TDRP: variants seen among roughly 807,000 people sequenced by gnomAD.
TDRP encodes testis development-related protein.
Under a neutral mutation model 10.5 loss-of-function variants are expected in TDRP, and 12 were observed. The ratio of observed to expected loss-of-function variants is 1.15; its 90% confidence interval spans 0.73 to 1.86. The LOEUF (loss-of-function observed/expected upper bound fraction) is 1.86, where lower values mean the gene tolerates loss of function less well. Ranked by LOEUF, TDRP falls within the 40% of genes most tolerant of loss-of-function variation. The probability of loss-of-function intolerance (pLI) is 0.00; values close to 1 mark genes in which losing one functional copy is unlikely to be tolerated. For synonymous variants in TDRP, 139 were observed against 95.4 expected, an observed-to-expected ratio of 1.46 and a Z score of -2.67; for missense variants, 353 against 229.2, an observed-to-expected ratio of 1.54 and a Z score of -3.49.
At chr8:499,057 T>C (rs933149469) in intron 1 of TDRP, among the ~76,000 whole-genome samples, 4 of 152,166 alleles carry the variant, frequency 2.6e-5, no homozygotes, top group African/African-American at 4.8e-5. Flanking sequence ...AGTGTGTAAA[T>C]GGACTAATAC....
At chr8:522,744 T>A (rs1036667732) in intron 1 of TDRP, among the ~76,000 whole-genome samples, 68 of 152,196 alleles carry the variant, frequency 4.5e-4, no homozygotes, top group Admixed American at 1.2e-3. Context: ...AACCCCTGCC[T>A]CTGATTCCTC....
intron 1 of TDRP, among the ~76,000 whole-genome samples, chr8:531,198 A>T (rs1243727246): frequency 6.6e-6 from 1 of 152,038 alleles, no homozygotes; most frequent in Non-Finnish European, 1.5e-5. Flanking sequence ...ACTTCAATGC[A>T]GCTGTTCTTG....
chr8:518,741 A>G (rs1801819956), intron 1 of TDRP, among the ~76,000 whole-genome samples: 2 of 146,236 alleles, frequency 1.4e-5, no homozygotes, highest in Non-Finnish European at 3.0e-5. Context: ...AAAAATTGGA[A>G]AAGTAAATAG....
At chr8:533,240 CAT>C (rs1802255348) in intron 1 of TDRP, among the ~76,000 whole-genome samples, 1 of 152,172 alleles carries the variant, frequency 6.6e-6, no homozygotes, top group South Asian at 2.1e-4. Flanking sequence ...CTTCTGACCC[CAT>C]GTCACTGCTG....
intron 1 of TDRP, among the ~76,000 whole-genome samples, chr8:542,037 G>C (rs1401989138): frequency 1.3e-5 from 2 of 152,086 alleles, no homozygotes; most frequent in African/African-American, 4.8e-5. Flanking sequence ...GAGGGTGAAG[G>C]GATAAACTGT....
At chr8:544,022 T>C (rs1409790404) in intron 1 of TDRP, among the ~76,000 whole-genome samples, 6 of 151,894 alleles carry the variant, frequency 4.0e-5, no homozygotes, top group Non-Finnish European at 8.8e-5. Context: ...ACCAAACATA[T>C]CTCTACACTC....
At chr8:519,542 G>A (rs546734784) in intron 1 of TDRP, among the ~76,000 whole-genome samples, 3 of 150,948 alleles carry the variant, frequency 2.0e-5, no homozygotes, top group Admixed American at 6.6e-5. Flanking sequence ...TTTTCATCTC[G>A]TAAAACTCTA....
At chr8:496,560 T>A (rs2116720458) in intron 1 of TDRP, among the ~76,000 whole-genome samples, 1 of 152,190 alleles carries the variant, frequency 6.6e-6, no homozygotes, top group East Asian at 1.9e-4. Context: ...TGCCAAGTTG[T>A]TATGTTCCCC....
intron 1 of TDRP, among the ~76,000 whole-genome samples, chr8:521,771 C>CAA (rs147844790): frequency 2.0e-5 from 3 of 151,566 alleles, no homozygotes; most frequent in African/African-American, 7.3e-5. Context: ...TCTACTTCAG[C>CAA]AAAAAAAATG....
chr8:516,922 G>C (rs1002667073), intron 1 of TDRP, among the ~76,000 whole-genome samples: 1 of 152,196 alleles, frequency 6.6e-6, no homozygotes, highest in East Asian at 1.9e-4. Flanking sequence ...ACTATTCAGT[G>C]CTAAAAAGAA....
At chr8:515,446 A>C (rs563222442) in intron 1 of TDRP, among the ~76,000 whole-genome samples, 1 of 152,356 alleles carries the variant, frequency 6.6e-6, no homozygotes, top group African/African-American at 2.4e-5. Flanking sequence ...TGGGATTTTG[A>C]AATATTTGCA....
At chr8:499,204 G>C (rs17751207) in intron 1 of TDRP, among the ~76,000 whole-genome samples, 12,538 of 152,068 alleles carry the variant, frequency 0.082, 569 homozygotes, top group South Asian at 0.14. Context: ...ATAGTCTCTA[G>C]TTTATGAACT....
intron 1 of TDRP, among the ~76,000 whole-genome samples, chr8:505,541 G>A (rs1031623516): frequency 8.5e-5 from 13 of 152,150 alleles, no homozygotes; most frequent in Admixed American, 1.3e-4. Flanking sequence ...TACCTCAGAC[G>A]GGAACTTAAC....
At chr8:512,320 C>CA (rs1801641963) in intron 1 of TDRP, among the ~76,000 whole-genome samples, 3 of 152,020 alleles carry the variant, frequency 2.0e-5, no homozygotes, top group Admixed American at 6.5e-5. Context: ...GTAGTGCCAG[C>CA]TCCTTGGGAG....
At chr8:493,266 A>G (rs1035342526) in intron 2 of TDRP, among the ~76,000 whole-genome samples, 6 of 152,254 alleles carry the variant, frequency 3.9e-5, no homozygotes, top group Non-Finnish European at 7.3e-5. Context: ...GAAAGATCCT[A>G]AACTACTCTT....
At chr8:510,003 G>A (rs892616973) in intron 1 of TDRP, among the ~76,000 whole-genome samples, 1 of 152,304 alleles carries the variant, frequency 6.6e-6, no homozygotes, top group East Asian at 1.9e-4. Flanking sequence ...CTGGGTGACA[G>A]AGCAACCGAA....
intron 1 of TDRP, among the ~76,000 whole-genome samples, chr8:527,860 T>C (rs1802074362): frequency 6.6e-6 from 1 of 152,078 alleles, no homozygotes; most frequent in Non-Finnish European, 1.5e-5. Context: ...TAAGCAAAGA[T>C]TTCTTAATAC....
intron 1 of TDRP, among the ~76,000 whole-genome samples, chr8:508,044 A>C (rs1014422406): frequency 6.6e-6 from 1 of 152,238 alleles, no homozygotes; most frequent in Non-Finnish European, 1.5e-5. Flanking sequence ...CTGTGGATTT[A>C]ACAGAAGAAG....
rs1313472564 is a variant in TDRP at position 491,822 on chromosome 8, T to C, written c.*577A>G. 4.0e-6 allele frequency: 5 copies of C among 1,246,226 alleles called. No individual in the cohort carries two copies. Among genetic ancestry groups the C allele is most frequent in the East Asian group, 3.2e-5 (1 of 31,714 alleles). The allele number at this position is 1,246,226 out of a possible 1,614,324, so 77.2% of individuals were successfully genotyped here. A position where few individuals can be genotyped will look rare whatever the true frequency, so the allele number is the denominator to read the frequency against. On this transcript the variant is annotated 3_prime_UTR_variant, in exon 3 of 3. Coordinates refer to ENST00000324079, the MANE Select transcript of TDRP (RefSeq NM_001384899.1). ...TTCCTCCCTCAGCAAAAGATGAACA[T>C]GCATTTTAAGATACATTTTACTCCC...
Sources: allele counts gnomAD v4.1 joint callset (sites outside exome capture counted in the v4.1 genomes callset), GRCh38; gene constraint gnomAD v4.1.1; transcripts MANE v1.5; gene names NCBI Gene and HGNC (gene_info 2026-07-23, HGNC 2026-07-21).